ECE1: variants seen among roughly 807,000 people sequenced by gnomAD.
The protein encoded by ECE1 is endothelin converting enzyme 1.
Under a neutral mutation model 98.6 loss-of-function variants are expected in ECE1, and 35 were observed. The ratio of observed to expected loss-of-function variants is 0.35; its 90% CI spans 0.27 to 0.47. The LOEUF is 0.47. Among genes scored for constraint, ECE1 ranks in the 20% least tolerant of loss-of-function variants. ECE1 has a pLI of 1.00. For synonymous variants in ECE1, 394 were observed against 407.1 expected, an observed-to-expected ratio of 0.97 and a Z score of 0.39; for missense variants, 814 against 1,025.3, an observed-to-expected ratio of 0.79 and a Z score of 2.81.
At chr1:21,234,687 C>T (rs7512029) in intron 13 of ECE1, among the ~76,000 whole-genome samples, 16,642 of 152,076 alleles carry the variant, frequency 0.11, 3,010 homozygotes, top group African/African-American at 0.38. Flanking sequence ...CTATGTTGCC[C>T]GGGCTGGTCT....
Position 21,220,967 on chromosome 1 carries a change from A to C in ECE1, c.2136+780T>G, listed in dbSNP as rs1339020240. On this transcript the variant is annotated intron_variant, in intron 18 of 18. Coordinates refer to ENST00000374893, the MANE Select transcript of ECE1 (RefSeq NM_001397.3). This position sits in a 1 kb window ranked among gnomAD's most constrained non-coding sequence, Gnocchi z 5.0. ...GCAGCCTCTAACGCAGTTGTCTCCA[A>C]ACTGTTCTCCTTCAGCCAGCGCAGC... is the stretch of plus-strand genomic sequence containing the variant. Among the ~76,000 whole-genome samples, 3 of 152,290 alleles carry C rather than the reference A, an allele frequency of 2.0e-5. No homozygotes were observed. The East Asian group carries it at 5.8e-4, about 29-fold the overall frequency.
At chr1:21,272,982 C>T in intron 3 of ECE1, 71 bp from the exon 4 acceptor site, 2 of 1,570,130 alleles carry the variant, frequency 1.3e-6, no homozygotes, top group East Asian at 2.3e-5. Flanking sequence ...GAGAAGGGGG[C>T]TTGGGGCCCA....
intron 10 of ECE1, among the ~76,000 whole-genome samples, chr1:21,239,974 C>A (rs761584750): frequency 6.6e-6 from 1 of 151,908 alleles, no homozygotes; most frequent in African/African-American, 2.4e-5. Context: ...AGTTCAAGAC[C>A]AGCCTGGCCA....
intron 2 of ECE1, among the ~76,000 whole-genome samples, chr1:21,288,953 T>TTGG (rs2098263505): frequency 6.6e-6 from 1 of 152,190 alleles, no homozygotes; most frequent in Admixed American, 6.5e-5. Context: ...GGTAGAGCCC[T>TTGG]TGGGACTGTG....
Position 21,235,930 on chromosome 1 carries a change from G to C in ECE1, c.1489-3C>G, listed in dbSNP as rs367932469. On this transcript the variant is annotated splice_region_variant and splice_polypyrimidine_tract_variant and intron_variant, in intron 12 of 18. Transcript: ENST00000374893. The surrounding 1 kb of genome is among the most constrained non-coding windows in gnomAD (Gnocchi z 4.2). ...ATCATGTTGTAGATGGCATCGGCCTGGACAGGACAGACAGAGGAAGTGAGT... is the reference window on the plus strand; with the variant it reads ...ATCATGTTGTAGATGGCATCGGCCTCGACAGGACAGACAGAGGAAGTGAGT... 1 of 1,614,122 alleles carries C rather than the reference G, an allele frequency of 6.2e-7. No homozygotes were observed. Among genetic ancestry groups the C allele is most frequent in the Non-Finnish European group, 8.5e-7 (1 of 1,179,946 alleles).
intron 14 of ECE1, 39 bp from the exon 15 acceptor site, chr1:21,228,080 C>T (rs3026901): frequency 0.052 from 79,075 of 1,512,236 alleles, 2,413 homozygotes; most frequent in South Asian, 0.058. Flanking sequence ...CAGCACAGGG[C>T]GGGAGGCAGG....
chr1:21,285,982 C>A, intron 2 of ECE1, among the ~76,000 whole-genome samples: 1 of 139,734 alleles, frequency 7.2e-6, no homozygotes. Flanking sequence ...ACAAGCAAGA[C>A]TCTGTCTCAA....
At chr1:21,250,899 C>A (rs1040027110) in intron 8 of ECE1, among the ~76,000 whole-genome samples, 1 of 151,930 alleles carries the variant, frequency 6.6e-6, no homozygotes, top group African/African-American at 2.4e-5. Flanking sequence ...CCCAGCTACG[C>A]GGGAGGCTGA....
rs1048519560 is a variant in ECE1 at position 21,307,891 on chromosome 1, A to G, written c.4-17735T>C. 2.6e-5 allele frequency among the ~76,000 whole-genome samples: 4 copies of G among 151,738 alleles called. No individual in the cohort carries two copies. The highest frequency in any genetic ancestry group is 5.9e-5 in the Non-Finnish European group (4 of 67,694). ...TGGCCCCGCCTTGAGCATCCTTGTC[A>G]GGCAGAGATCTGGGCAGGACAGAAG... On this transcript the variant is annotated intron_variant, in intron 1 of 18. Transcript: ENST00000415912. The surrounding 1 kb of genome is among the most constrained non-coding windows in gnomAD (Gnocchi z 4.2).
intron 15 of ECE1, among the ~76,000 whole-genome samples, chr1:21,227,619 A>T (rs1418226383): frequency 6.6e-6 from 1 of 152,144 alleles, no homozygotes; most frequent in Non-Finnish European, 1.5e-5. Flanking sequence ...CTGGGATTCA[A>T]ACTGAGACAG....
intron 4 of ECE1, among the ~76,000 whole-genome samples, chr1:21,265,510 C>T (rs184723963): frequency 6.6e-6 from 1 of 152,258 alleles, no homozygotes; most frequent in East Asian, 1.9e-4. Flanking sequence ...CCAGCCTGGG[C>T]GACAGATCGA....
chr1:21,219,676 A>C lies in ECE1; in HGVS notation c.*279T>G, dbSNP rs1159356097. The C allele has an allele frequency of 3.9e-6, 2 of 510,906 alleles. No individual in the cohort carries two copies. Among genetic ancestry groups the C allele is most frequent in the Admixed American group, 6.3e-5 (2 of 31,602 alleles). 31.6% of individuals were successfully genotyped at this position (510,906 alleles called of 1,614,324 possible). A position where few individuals can be genotyped will look rare whatever the true frequency, so the allele number is the denominator to read the frequency against. On this transcript the variant is annotated 3_prime_UTR_variant, in exon 19 of 19. Transcript: ENST00000374893. This position sits in a 1 kb window ranked among gnomAD's most constrained non-coding sequence, Gnocchi z 4.5. ...ATTTGTGGCGTATCTGGCGCTTGTCAGTGTGGGGCCCAGGCCTGATGAGCC... is the reference window on the plus strand; with the variant it reads ...ATTTGTGGCGTATCTGGCGCTTGTCCGTGTGGGGCCCAGGCCTGATGAGCC...
Position 21,310,515 on chromosome 1 carries a change from G to A in ECE1, c.4-20359C>T, listed in dbSNP as rs187125820. Among the ~76,000 whole-genome samples the A allele has an allele frequency of 1.4e-4, 21 of 152,228 alleles. No individual in the cohort carries two copies. In the East Asian group the frequency reaches 3.9e-3, roughly 28 times the overall value. On this transcript the variant is annotated intron_variant, in intron 1 of 18. Coordinates refer to the ECE1 transcript ENST00000415912. ...AGTAGGCGTGTCCCATGCACCACAA[G>A]GAATTGGGGAGGAACAATTCCCAAA...
intron 1 of ECE1, among the ~76,000 whole-genome samples, chr1:21,325,199 C>T (rs1220165181): frequency 6.6e-6 from 1 of 152,202 alleles, no homozygotes; most frequent in African/African-American, 2.4e-5. Flanking sequence ...CATAAACTGG[C>T]TCCAGGACCA....
At position 21,235,996 on chromosome 1, in the gene ECE1, G is replaced by A; in HGVS notation, c.1489-69C>T. ...CCAGGCCAGCCTGAGCAACTTGGGT[G>A]CTGGGCTCATAGTCTGGGCCAAGGG... On this transcript the variant is annotated intron_variant, in intron 12 of 18. Transcript: ENST00000374893. This position sits in a 1 kb window ranked among gnomAD's most constrained non-coding sequence, Gnocchi z 4.2. The A allele has an allele frequency of 4.8e-6, 7 of 1,462,598 alleles. No homozygotes were observed. Among genetic ancestry groups the A allele is most frequent in the Non-Finnish European group, 6.7e-6 (7 of 1,042,000 alleles). 90.6% of individuals were successfully genotyped at this position (1,462,598 alleles called of 1,614,324 possible).
At position 21,316,912 on chromosome 1, in the gene ECE1, C is replaced by G. The variant is rs142987927; in HGVS notation, c.4-26756G>C. Among the ~76,000 whole-genome samples, 764 of 152,166 alleles carry G rather than the reference C, an allele frequency of 5.0e-3. 6 individuals are homozygous for G. The highest frequency in any genetic ancestry group is 0.017 in the African/African-American group (695 of 41,522). ...CATTTAGGGAGGCAGAATCAGGCTG[C>G]GCTTGGTGGCTCACACCTGTAATCC... On this transcript the variant is annotated intron_variant, in intron 1 of 18. Transcript: ENST00000415912.
intron 1 of ECE1, among the ~76,000 whole-genome samples, chr1:21,335,149 C>A (rs1639281543): frequency 2.0e-5 from 3 of 152,234 alleles, no homozygotes; most frequent in Admixed American, 1.3e-4. Flanking sequence ...GCTGTTCCGG[C>A]AGCCGGGAAC....
intron 8 of ECE1, among the ~76,000 whole-genome samples, chr1:21,252,278 C>T (rs2098213827): frequency 6.6e-6 from 1 of 152,222 alleles, no homozygotes; most frequent in South Asian, 2.1e-4. Flanking sequence ...ATTTTCCATC[C>T]TGGCTGCTTT....
At chr1:21,305,336 G>A (rs1487512341) in intron 1 of ECE1, among the ~76,000 whole-genome samples, 2 of 152,198 alleles carry the variant, frequency 1.3e-5, no homozygotes, top group African/African-American at 2.4e-5. Flanking sequence ...GCTTGACAGA[G>A]AGCAGGTACT....
Sources: allele counts gnomAD v4.1 joint callset (sites outside exome capture counted in the v4.1 genomes callset), GRCh38; gene constraint gnomAD v4.1.1; non-coding constraint Gnocchi (gnomAD v3.1); transcripts MANE v1.5; gene names NCBI Gene and HGNC (gene_info 2026-07-23, HGNC 2026-07-21).